DOCK1: variants seen among roughly 807,000 people sequenced by gnomAD.
The protein encoded by DOCK1 is dedicator of cytokinesis protein 1.
Under a neutral mutation model 262.7 loss-of-function variants are expected in DOCK1, and 138 were observed. The observed-to-expected ratio is 0.53, with a 90% CI of 0.46 to 0.61. The LOEUF (loss-of-function observed/expected upper bound fraction) is 0.61. DOCK1 is among the 20% of genes least tolerant of loss of function. The pLI, the probability that DOCK1 is intolerant of heterozygous loss-of-function variation, is 0.00. For synonymous variants in DOCK1, 866 were observed against 867.4 expected (o/e 1.00, Z 0.03); for missense variants, 1,908 against 2,370.7 (o/e 0.80, Z 4.05).
At chr10:127,337,092 A>T (rs1212852373) in intron 29 of DOCK1, among the ~76,000 whole-genome samples, 3 of 152,072 alleles carry the variant, frequency 2.0e-5, no homozygotes, top group Non-Finnish European at 4.4e-5. Flanking sequence ...TGAAGGAAAA[A>T]ATTAAGGGGA....
chr10:126,912,453 G>A (rs1196128755), intron 1 of DOCK1, among the ~76,000 whole-genome samples: 3 of 150,144 alleles, frequency 2.0e-5, no homozygotes, highest in South Asian at 2.1e-4. Flanking sequence ...GAGACCGGGC[G>A]CGGTGGCTCA....
intron 2 of DOCK1, among the ~76,000 whole-genome samples, 165 bp from the exon 3 acceptor site, chr10:126,977,783 G>A (rs754213919): frequency 3.9e-5 from 6 of 152,122 alleles, no homozygotes; most frequent in Non-Finnish European, 7.4e-5. Flanking sequence ...TGCTCTCTGG[G>A]AAACCACGTA....
chr10:127,015,724 G>A (rs1331781793), intron 12 of DOCK1, among the ~76,000 whole-genome samples: 1 of 152,122 alleles, frequency 6.6e-6, no homozygotes, highest in African/African-American at 2.4e-5. Context: ...TTCACGTCCT[G>A]CCAGCCAGCT....
At chr10:127,403,286 A>G in intron 39 of DOCK1, 142 bp downstream of exon 39, 1 of 786,564 alleles carries the variant, frequency 1.3e-6, no homozygotes, top group Non-Finnish European at 2.0e-6. Flanking sequence ...GCCTAGGAAG[A>G]TGGTTTTAGT....
rs117385216 is a variant in DOCK1 at position 127,048,202 on chromosome 10, A to G, written c.2202-4479A>G. On this transcript the variant is annotated intron_variant, in intron 21 of 51. Transcript: ENST00000623213. Reference sequence around the variant, plus strand: ...TAGTGTCTGACTTTGTAGCTATTGTACTGGGGGCAAAATTATATCTCTTGG... The same window carrying G: ...TAGTGTCTGACTTTGTAGCTATTGTGCTGGGGGCAAAATTATATCTCTTGG... Among the ~76,000 whole-genome samples the G allele has an allele frequency of 5.9e-5, 9 of 152,282 alleles. No homozygotes were observed. In the East Asian group the frequency reaches 1.7e-3, roughly 29 times the overall value.
chr10:127,273,228 T>C (rs959281374), intron 29 of DOCK1, among the ~76,000 whole-genome samples: 2 of 152,258 alleles, frequency 1.3e-5, no homozygotes, highest in Non-Finnish European at 2.9e-5. Flanking sequence ...GATGTAGGGC[T>C]GGGCTCCTTG....
At position 127,032,928 on chromosome 10, in the gene DOCK1, G is replaced by T. The variant is rs115497525; in HGVS notation, c.1912+608G>T. On this transcript the variant is annotated intron_variant, in intron 18 of 51. Transcript: ENST00000623213. ...TGATTTTTGGCCAAAGGAAGGTAGC[G>T]TGACATAAAGGAAAGTGCACAAGAT... Among the ~76,000 whole-genome samples, 1,185 of 152,290 alleles carry T rather than the reference G, an allele frequency of 7.8e-3. 19 individuals are homozygous for T. Among genetic ancestry groups the T allele is most frequent in the African/African-American group, 0.027 (1,114 of 41,556 alleles).
intron 32 of DOCK1, among the ~76,000 whole-genome samples, chr10:127,355,950 G>T (rs1344193041): frequency 2.0e-5 from 3 of 152,250 alleles, no homozygotes; most frequent in African/African-American, 7.2e-5. Flanking sequence ...GCTCCTGGGT[G>T]GGGATGAAGA....
Position 127,340,053 on chromosome 10 carries a change from G to A in DOCK1, c.3123+969G>A, listed in dbSNP as rs149646180. On this transcript the variant is annotated intron_variant, in intron 30 of 51. Coordinates refer to ENST00000623213, the MANE Select transcript of DOCK1 (RefSeq NM_001290223.2). Reference sequence around the variant, plus strand: ...AAGTTTACCCAATGCTCTTTCATTTGCATTGCCCTTATTTTTATAATTTTT... The same window carrying A: ...AAGTTTACCCAATGCTCTTTCATTTACATTGCCCTTATTTTTATAATTTTT... Among the ~76,000 whole-genome samples, 32 of 152,072 alleles carry A rather than the reference G, an allele frequency of 2.1e-4. No individual in the cohort carries two copies. The East Asian group carries it at 6.0e-3, about 29-fold the overall frequency.
rs1457473254 is a variant in DOCK1, at chr10:127,106,254, A to G, written c.2469A>G (p.Pro823=). 2.5e-6 allele frequency: 4 copies of G among 1,593,930 alleles called. No homozygotes were observed. In the East Asian group the frequency reaches 9.0e-5, roughly 36 times the overall value. ...RVKGAALKYL[P]TIVNDVKLVF... is the part of the protein sequence containing the mutation. ...AGGGGGCAGCACTGAAATACTTACC[A>G]ACGATCGTCAACGATGTGAAATTGG... The change falls in exon 24 of 52, where the codon CCA becomes CCG. Residue 823 remains proline, a synonymous_variant. Coordinates refer to ENST00000623213, the MANE Select transcript of DOCK1 (RefSeq NM_001290223.2).
intron 1 of DOCK1, among the ~76,000 whole-genome samples, chr10:126,941,952 G>A (rs1243153047): frequency 6.6e-6 from 1 of 152,116 alleles, no homozygotes; most frequent in South Asian, 2.1e-4. Flanking sequence ...TTGTTTAAAG[G>A]ATTCTAAAGT....
chr10:126,970,620 A>T (rs746140459), intron 1 of DOCK1, 82 bp from the exon 2 acceptor site: 239 of 1,058,886 alleles, frequency 2.3e-4, no homozygotes, highest in Non-Finnish European at 3.0e-4. Flanking sequence ...AAAAACAACA[A>T]CATTAAAACA....
At chr10:127,425,458 A>G (rs2068755938) in intron 46 of DOCK1, among the ~76,000 whole-genome samples, 2 of 152,214 alleles carry the variant, frequency 1.3e-5, no homozygotes, top group South Asian at 4.1e-4. Context: ...AGGACTATAG[A>G]TCACATGTAA....
intron 29 of DOCK1, among the ~76,000 whole-genome samples, chr10:127,323,168 G>C (rs532927762): frequency 4.6e-5 from 7 of 152,178 alleles, no homozygotes; most frequent in African/African-American, 7.2e-5. Flanking sequence ...CTCTCTGCTG[G>C]GTGAGGACCT....
intron 1 of DOCK1, among the ~76,000 whole-genome samples, chr10:126,919,116 C>T (rs928105320): frequency 1.3e-5 from 2 of 152,170 alleles, no homozygotes; most frequent in African/African-American, 2.4e-5. Context: ...CAGATGAACA[C>T]GAATTGTGTG....
chr10:126,986,043 G>A (rs765982239), intron 4 of DOCK1, among the ~76,000 whole-genome samples: 1 of 151,968 alleles, frequency 6.6e-6, no homozygotes, highest in Non-Finnish European at 1.5e-5. Flanking sequence ...TAGTAGAGAC[G>A]GGGTTTCACC....
intron 35 of DOCK1, among the ~76,000 whole-genome samples, chr10:127,376,720 G>A (rs2065514365): frequency 6.6e-6 from 1 of 152,190 alleles, no homozygotes; most frequent in Admixed American, 6.5e-5. Context: ...GATCTAAGAG[G>A]CTGATAAGTG....
At chr10:127,171,646 T>C (rs1481776192) in intron 27 of DOCK1, among the ~76,000 whole-genome samples, 1 of 152,136 alleles carries the variant, frequency 6.6e-6, no homozygotes, top group Non-Finnish European at 1.5e-5. Context: ...GCTTCAAGAG[T>C]GTTCTCCAGC....
At chr10:127,179,520 G>T (rs2055516196) in intron 27 of DOCK1, among the ~76,000 whole-genome samples, 1 of 152,142 alleles carries the variant, frequency 6.6e-6, no homozygotes, top group South Asian at 2.1e-4. Flanking sequence ...TTCAAATGAG[G>T]TTATGAGTTC....
Sources: gnomAD v4.1 joint callset for allele counts (sites outside exome capture counted in the v4.1 genomes callset) on GRCh38, gnomAD v4.1.1 for gene constraint, MANE v1.5 for transcripts, NCBI Gene and HGNC (gene_info 2026-07-23, HGNC 2026-07-21) for gene names.